The following REV3L variants were observed in gnomAD, a reference collection of about 807,000 sequenced individuals.
REV3L encodes the protein REV3 like, DNA directed polymerase zeta catalytic subunit.
REV3L carries 69 observed loss-of-function variants against 299.4 expected under a neutral mutation model. The observed-to-expected ratio is 0.23, with a 90% CI of 0.19 to 0.28. The LOEUF is 0.28. REV3L is among the 10% of genes least tolerant of loss of function. The pLI, the probability that REV3L is intolerant of heterozygous loss-of-function variation, is 1.00. For missense variants in REV3L, 3,128 were observed against 3,693.8 expected (o/e 0.85, Z 3.97); for synonymous variants, 1,238 against 1,271.4 (o/e 0.97, Z 0.56).
chr6:111,303,999 C>A (rs1771972067), intron 31 of REV3L, among the ~76,000 whole-genome samples: 1 of 152,146 alleles, frequency 6.6e-6, no homozygotes, highest in African/African-American at 2.4e-5. Context: ...GGATTACAGG[C>A]ATGAGTCACC....
chr6:111,313,996 C>T (rs1469647729), intron 27 of REV3L, among the ~76,000 whole-genome samples: 2 of 152,234 alleles, frequency 1.3e-5, no homozygotes, highest in African/African-American at 4.8e-5. Context: ...TTTGTGCTCT[C>T]ACAGTGTTTA....
intron 4 of REV3L, among the ~76,000 whole-genome samples, chr6:111,404,214 C>A (rs1239883035): frequency 6.6e-6 from 1 of 152,192 alleles, no homozygotes; most frequent in Admixed American, 6.5e-5. Flanking sequence ...GCTAAATCTA[C>A]TCTGCCTGTG....
intron 15 of REV3L, among the ~76,000 whole-genome samples, 159 bp downstream of exon 15, chr6:111,365,101 TAAAAA>T (rs1394385441): frequency 6.6e-6 from 1 of 151,514 alleles, no homozygotes; most frequent in African/African-American, 2.4e-5. Context: ...AAAAAAAAAC[TAAAAA>T]AAGGCAAATT....
intron 1 of REV3L, among the ~76,000 whole-genome samples, chr6:111,446,345 T>A (rs765915425): frequency 3.9e-5 from 6 of 152,186 alleles, no homozygotes; most frequent in Non-Finnish European, 7.3e-5. Flanking sequence ...CTATTAATAA[T>A]AATGCTAGTG....
intron 19 of REV3L, among the ~76,000 whole-genome samples, 153 bp from the exon 20 acceptor site, chr6:111,349,489 C>T (rs1777370298): frequency 1.3e-5 from 2 of 151,976 alleles, no homozygotes; most frequent in Admixed American, 1.3e-4. Context: ...ATAAATATAA[C>T]CTGAAGTCTC....
intron 31 of REV3L, among the ~76,000 whole-genome samples, chr6:111,305,176 C>T (rs904917847): frequency 3.3e-5 from 5 of 151,906 alleles, no homozygotes; most frequent in African/African-American, 7.3e-5. Flanking sequence ...CCCGACCTCA[C>T]GTGATCCGCC....
At chr6:111,479,926 C>A (rs763321141) in intron 1 of REV3L, among the ~76,000 whole-genome samples, 39 of 152,186 alleles carry the variant, frequency 2.6e-4, no homozygotes, top group Non-Finnish European at 4.1e-4. Context: ...CCTCAAAACA[C>A]AGAACAATCA....
intron 18 of REV3L, chr6:111,353,959 G>C (rs1003152888): frequency 6.6e-6 from 1 of 152,198 alleles, no homozygotes; most frequent in Non-Finnish European, 1.5e-5. Context: ...TGGCTCTAAG[G>C]ATCATCAGGG....
intron 3 of REV3L, 23 bp from the exon 4 acceptor site, chr6:111,405,653 T>C: frequency 9.3e-6 from 14 of 1,500,648 alleles, no homozygotes; most frequent in Non-Finnish European, 1.1e-5. Flanking sequence ...AAAAAAGTTT[T>C]ATCATAAAAT....
At chr6:111,338,311 CCTTTTTTTTTTTTTTTTTTTT>C (rs1279263958) in intron 21 of REV3L, among the ~76,000 whole-genome samples, 27 of 49,034 alleles carry the variant, frequency 5.5e-4, no homozygotes, top group Non-Finnish European at 8.3e-4. Flanking sequence ...AGTCTAAAGT[CCTTTTTTTTTTTTTTTTTTTT>C]TTTTTTTTTT....
Position 111,422,629 on chromosome 6 carries a change from TAC to T in REV3L, c.140-6159_140-6158del, listed in dbSNP as rs1330066027. ...ATATATATACACATATATATATATA[TAC>T]ACATATATATATATATACATATATA... On this transcript the variant is annotated intron_variant, in intron 1 of 31. Coordinates refer to ENST00000368802, the MANE Select transcript of REV3L (RefSeq NM_001372078.1). Among the ~76,000 whole-genome samples the T allele has an allele frequency of 5.3e-3, 136 of 25,432 alleles. 7 individuals are homozygous for T. In the South Asian group the frequency reaches 0.09, roughly 17 times the overall value. 16.7% of individuals were successfully genotyped at this position (25,432 alleles called of 152,430 possible).
intron 20 of REV3L, among the ~76,000 whole-genome samples, chr6:111,345,300 G>A (rs1478065617): frequency 1.3e-5 from 2 of 152,094 alleles, no homozygotes; most frequent in Non-Finnish European, 2.9e-5. Context: ...ATATAATTAG[G>A]TTCCTAAAGG....
At chr6:111,412,091 T>C (rs183153444) in intron 2 of REV3L, 1 of 985,188 alleles carries the variant, frequency 1.0e-6, no homozygotes, top group East Asian at 1.1e-4. Flanking sequence ...TTTTATAAGT[T>C]CAATAAGCAG....
intron 3 of REV3L, among the ~76,000 whole-genome samples, chr6:111,406,069 AACAG>A (rs1439653921): frequency 1.3e-5 from 2 of 152,122 alleles, no homozygotes; most frequent in African/African-American, 4.8e-5. Context: ...GAATACAAAC[AACAG>A]ACAATTATAT....
rs188352592 is a variant in REV3L at position 111,316,912 on chromosome 6, T to G, written c.8352-1531A>C. Among the ~76,000 whole-genome samples the G allele has an allele frequency of 2.0e-5, 3 of 152,246 alleles. No homozygotes were observed. The East Asian group carries it at 5.8e-4, about 29-fold the overall frequency. ...TAAAAAACACCAATATAAAATATAC[T>G]CAAAATACCAATACAAAATATACTC... is the stretch of plus-strand genomic sequence containing the variant. On this transcript the variant is annotated intron_variant, in intron 26 of 31. Coordinates refer to ENST00000368802, the MANE Select transcript of REV3L (RefSeq NM_001372078.1).
At chr6:111,360,712 A>AGCAATCC (rs1456861472) in intron 16 of REV3L, 1 of 152,202 alleles carries the variant, frequency 6.6e-6, no homozygotes, top group African/African-American at 2.4e-5. Flanking sequence ...CCTGGCCTCA[A>AGCAATCC]GCAATCCTCC....
intron 3 of REV3L, 69 bp downstream of exon 3, chr6:111,411,411 T>C: frequency 1.9e-6 from 2 of 1,056,360 alleles, no homozygotes; most frequent in Non-Finnish European, 2.8e-6. Context: ...GCCTTCTTTC[T>C]AGATTTTTTT....
At chr6:111,414,698 T>C (rs1394591738) in intron 2 of REV3L, among the ~76,000 whole-genome samples, 1 of 152,150 alleles carries the variant, frequency 6.6e-6, no homozygotes, top group Non-Finnish European at 1.5e-5. Context: ...TCCAGATCTT[T>C]CCTGTCAGTT....
intron 1 of REV3L, among the ~76,000 whole-genome samples, chr6:111,444,347 G>A (rs1235091544): frequency 1.3e-5 from 2 of 152,120 alleles, no homozygotes; most frequent in East Asian, 1.9e-4. Context: ...TGTCTAGAAG[G>A]AGATTTTTAA....
Sources: gnomAD v4.1 joint callset for allele counts (sites outside exome capture counted in the v4.1 genomes callset) on GRCh38, gnomAD v4.1.1 for gene constraint, MANE v1.5 for transcripts, NCBI Gene and HGNC (gene_info 2026-07-23, HGNC 2026-07-21) for gene names.